Variants in CTDSP1 observed in about 807,000 individuals in gnomAD.
The protein encoded by CTDSP1 is CTD small phosphatase 1.
CTDSP1 carries 15 observed loss-of-function variants against 32.5 expected under a neutral mutation model. The ratio of observed to expected loss-of-function variants is 0.46; its 90% confidence interval spans 0.31 to 0.71. The LOEUF (loss-of-function observed/expected upper bound fraction) is 0.71. CTDSP1 is among the 30% of genes least tolerant of loss of function. CTDSP1 has a pLI of 0.05. For missense variants in CTDSP1, 294 were observed against 351.1 expected (o/e 0.84, Z 1.30); for synonymous variants, 185 against 145.4 (o/e 1.27, Z -1.96).
Position 218,404,278 on chromosome 2 carries a change from C to T in CTDSP1, c.658-19C>T, listed in dbSNP as rs762602144. 2 of 1,613,290 alleles carry T rather than the reference C, an allele frequency of 1.2e-6. No homozygotes were observed. Among genetic ancestry groups the T allele is most frequent in the South Asian group, 1.1e-5 (1 of 90,982 alleles). On this transcript the variant is annotated intron_variant, in intron 6 of 6. Coordinates refer to ENST00000273062, the MANE Select transcript of CTDSP1 (RefSeq NM_021198.3). ...CAGGACCACCTGCCCCCCTCATCTT[C>T]CTACACCCACTTCCCCAGGTACCGG...
Position 218,403,222 on chromosome 2 carries a change from C to G in CTDSP1, c.472-10C>G, listed in dbSNP as rs759916914. On this transcript the variant is annotated splice_polypyrimidine_tract_variant and intron_variant, in intron 5 of 6. Coordinates refer to ENST00000273062, the MANE Select transcript of CTDSP1 (RefSeq NM_021198.3). ...TGCGGGCCCCAGGATGACCCACCTCCTGCTCCCAGTACGCAGACCCAGTAG... is the reference window on the plus strand; with the variant it reads ...TGCGGGCCCCAGGATGACCCACCTCGTGCTCCCAGTACGCAGACCCAGTAG... The G allele has an allele frequency of 1.9e-6, 3 of 1,611,558 alleles. No homozygotes were observed. The highest frequency in any genetic ancestry group is 2.5e-6 in the Non-Finnish European group (3 of 1,178,244).
At chr2:218,398,221 G>C (rs1696922933), upstream of CTDSP1, 1 of 589,958 alleles carries the variant, frequency 1.7e-6, no homozygotes, top group Admixed American at 2.8e-5. Context: ...CCCGCTCCCA[G>C]GCTGGAATCC....
intron 1 of CTDSP1, 136 bp downstream of exon 1, chr2:218,400,293 G>C (rs1451984812): frequency 1.2e-6 from 1 of 804,064 alleles, no homozygotes; most frequent in Non-Finnish European, 2.0e-6. Flanking sequence ...CAGCCCGAGA[G>C]GGAGCAGGGA....
chr2:218,400,540 CCCCCCA>C (rs902120350), intron 1 of CTDSP1: 11 of 375,752 alleles, frequency 2.9e-5, no homozygotes, highest in African/African-American at 6.4e-5. Flanking sequence ...CTCCGCCCCA[CCCCCCA>C]CCCCCACCCC....
chr2:218,398,575 C>G, upstream of CTDSP1: 1 of 828,686 alleles, frequency 1.2e-6, no homozygotes, highest in Non-Finnish European at 1.7e-6. Context: ...CTCCCTTCCC[C>G]TCCCGGCCCC....
chr2:218,401,649 G>A lies in CTDSP1; in HGVS notation c.153G>A (p.Gly51=). 1 of 1,612,566 alleles carries A rather than the reference G, an allele frequency of 6.2e-7. No individual in the cohort carries two copies. Among genetic ancestry groups the A allele is most frequent in the Non-Finnish European group, 8.5e-7 (1 of 1,179,298 alleles). Residue 51 remains glycine (G), a synonymous_variant, in exon 2 of 7, where the codon GGG becomes GGA. Coordinates refer to ENST00000273062, the MANE Select transcript of CTDSP1 (RefSeq NM_021198.3). Reference sequence around the variant, plus strand: ...TCTGCTGTGTCTGCCGGGATGATGGGGAGGCCCTGCCTGCTCACAGCGGGG... The same window carrying A: ...TCTGCTGTGTCTGCCGGGATGATGGAGAGGCCCTGCCTGCTCACAGCGGGG... The part of the protein sequence containing the change: ...SLFCCVCRDD[G]EALPAHSGAP...
At chr2:218,399,194 T>TG (rs1283254769), upstream of CTDSP1, 1 of 152,244 alleles carries the variant, frequency 6.6e-6, no homozygotes, top group African/African-American at 2.4e-5. Context: ...GAACGCGCGG[T>TG]GGCCCGTGCG....
At chr2:218,398,437 C>A, upstream of CTDSP1, 1 of 1,534,700 alleles carries the variant, frequency 6.5e-7, no homozygotes, top group Non-Finnish European at 8.7e-7. Context: ...GTGGGCTACC[C>A]AGGAGCAGGA....
chr2:218,402,058 G>A, intron 2 of CTDSP1, 53 bp from the exon 3 acceptor site: 1 of 1,259,156 alleles, frequency 7.9e-7, no homozygotes, highest in South Asian at 1.2e-5. Flanking sequence ...CTGCGTGGGA[G>A]GAAGGACCAG....
At chr2:218,403,854 G>C (rs563645990) in intron 6 of CTDSP1, 4 of 189,136 alleles carry the variant, frequency 2.1e-5, no homozygotes, top group African/African-American at 9.4e-5. Flanking sequence ...GAGCCCAGTA[G>C]TTCAAGACCA....
chr2:218,401,435 G>T (rs891402315), intron 1 of CTDSP1, 129 bp from the exon 2 acceptor site: 10 of 1,051,640 alleles, frequency 9.5e-6, no homozygotes, highest in Non-Finnish European at 1.2e-5. Context: ...GTCAGGAGCT[G>T]CCTTCGTGTG....
intron 1 of CTDSP1, chr2:218,401,037 C>A: frequency 2.4e-6 from 1 of 423,990 alleles, no homozygotes. Context: ...GAGGTCTGGG[C>A]GGGGCAGGGC....
upstream of CTDSP1, chr2:218,398,398 C>T: frequency 6.5e-7 from 1 of 1,535,256 alleles, no homozygotes; most frequent in Admixed American, 2.0e-5. Flanking sequence ...GTGGCGATCA[C>T]GGTGATGAAG....
At chr2:218,398,370 G>A, upstream of CTDSP1, 1 of 1,525,806 alleles carries the variant, frequency 6.6e-7, no homozygotes. Flanking sequence ...AGCAGGCCTA[G>A]GAAAACGCCA....
At chr2:218,400,452 G>A (rs963809530) in intron 1 of CTDSP1, 9 of 498,052 alleles carry the variant, frequency 1.8e-5, no homozygotes, top group African/African-American at 1.6e-4. Flanking sequence ...TGGTGCATGG[G>A]CGCCCCCCCA....
rs1697018479 is a variant in CTDSP1, at chr2:218,399,898, T to C, written c.-193T>C. ...CGCCTCGCGGGAAGGAAACTCCATGTTGTAACAAAGTTTCCTCCGCGCCCC... is the reference window on the plus strand; with the variant it reads ...CGCCTCGCGGGAAGGAAACTCCATGCTGTAACAAAGTTTCCTCCGCGCCCC... On this transcript the variant is annotated 5_prime_UTR_variant, in exon 1 of 7. Coordinates refer to ENST00000273062, the MANE Select transcript of CTDSP1 (RefSeq NM_021198.3). 7.9e-7 allele frequency: 1 copy of C among 1,262,848 alleles called. No individual in the cohort carries two copies. Among genetic ancestry groups the C allele is most frequent in the African/African-American group, 1.6e-5 (1 of 63,760 alleles). 78.2% of individuals were successfully genotyped at this position (1,262,848 alleles called of 1,614,324 possible).
At chr2:218,398,567 CCCTTCCCCTCCCGGCCCCCGCGCGGGG>C, upstream of CTDSP1, 1 of 886,304 alleles carries the variant, frequency 1.1e-6, no homozygotes, top group Non-Finnish European at 1.6e-6. Flanking sequence ...CCGCTCCCCT[CCCTTCCCCTCCCGGCCCCCGCGCGGGG>C]CCTCCCCTCC....
chr2:218,396,425 T>G (rs1696771711), upstream of CTDSP1: 1 of 152,436 alleles, frequency 6.6e-6, no homozygotes, highest in Non-Finnish European at 1.5e-5. Context: ...GGCCTTTCCC[T>G]AGAGTTGAAC....
At chr2:218,400,326 C>G (rs190100918) in intron 1 of CTDSP1, 169 bp downstream of exon 1, 1 of 739,218 alleles carries the variant, frequency 1.4e-6, no homozygotes, top group Non-Finnish European at 2.3e-6. Context: ...TCAGAGGAGG[C>G]TCAGAGACGC....
Sources: gnomAD v4.1 joint callset for allele counts on GRCh38, gnomAD v4.1.1 for gene constraint, MANE v1.5 for transcripts, NCBI Gene and HGNC (gene_info 2026-07-23, HGNC 2026-07-21) for gene names.